The following VAV3 variants were observed in gnomAD, a reference collection of about 807,000 sequenced individuals.
VAV3 encodes the protein guanine nucleotide exchange factor VAV3.
Under a neutral mutation model 131.2 loss-of-function variants are expected in VAV3, and 94 were observed. That is an observed-to-expected ratio of 0.72 (90% CI 0.61 to 0.85). The LOEUF (loss-of-function observed/expected upper bound fraction) is 0.85. VAV3 is among the 40% of genes least tolerant of loss of function. The probability of loss-of-function intolerance (pLI) is 0.00; values close to 1 mark genes in which losing one functional copy is unlikely to be tolerated. For missense variants in VAV3, 939 were observed against 1,002.7 expected, an observed-to-expected ratio of 0.94 and a Z score of 0.86; for synonymous variants, 349 against 342.0, an observed-to-expected ratio of 1.02 and a Z score of -0.22.
intron 15 of VAV3, among the ~76,000 whole-genome samples, chr1:107,714,063 G>A (rs955737478): frequency 5.3e-5 from 8 of 151,952 alleles, no homozygotes; most frequent in African/African-American, 1.9e-4. Flanking sequence ...TCACTTATAC[G>A]CATTATTTTT....
chr1:107,783,657 C>T (rs1011039602), intron 2 of VAV3, among the ~76,000 whole-genome samples: 35 of 152,150 alleles, frequency 2.3e-4, no homozygotes, highest in Admixed American at 9.2e-4. Context: ...CCTTCTCTGG[C>T]CCATGGTCTG....
intron 19 of VAV3, among the ~76,000 whole-genome samples, chr1:107,655,262 G>T (rs1483584618): frequency 2.0e-5 from 3 of 152,036 alleles, no homozygotes; most frequent in African/African-American, 7.2e-5. Context: ...CATGGCACTG[G>T]CATAAAAACA....
chr1:107,706,158 G>A (rs528401153), intron 15 of VAV3, among the ~76,000 whole-genome samples: 6 of 152,160 alleles, frequency 3.9e-5, no homozygotes, highest in South Asian at 2.1e-4. Flanking sequence ...GCTCCGAGAC[G>A]TTACACGCAA....
At chr1:107,918,917 G>A (rs2101144798) in intron 1 of VAV3, among the ~76,000 whole-genome samples, 1 of 151,898 alleles carries the variant, frequency 6.6e-6, no homozygotes, top group East Asian at 1.9e-4. Context: ...ATGTTGCCCA[G>A]GCTGGTCTTG....
At chr1:107,761,617 G>A (rs949810825) in intron 9 of VAV3, among the ~76,000 whole-genome samples, 6 of 152,064 alleles carry the variant, frequency 3.9e-5, no homozygotes, top group African/African-American at 1.2e-4. Context: ...ACTATGATGT[G>A]CTTTGTCCAG....
intron 2 of VAV3, among the ~76,000 whole-genome samples, chr1:107,812,390 G>A (rs961214989): frequency 2.3e-4 from 35 of 151,924 alleles, no homozygotes; most frequent in African/African-American, 8.0e-4. Context: ...ACGTGTGCCC[G>A]TTTTCATTAC....
chr1:107,603,062 T>C lies in VAV3; in HGVS notation c.2117A>G (p.Tyr706Cys), dbSNP rs757743124. The change falls in exon 23 of 27, where the codon TAT becomes TGT. Residue 706 changes from tyrosine to cysteine, a missense_variant. Tyr to Cys is a radical substitution (Grantham distance 194). Coordinates refer to ENST00000370056, the MANE Select transcript of VAV3 (RefSeq NM_006113.5). ...VRHRTKESGE[Y>C]AISIKYNNEA... Reference sequence around the variant, plus strand: ...TCCTACTTACTTAATGCTAATTGCATATTCTCCTGACTCTTTGGTCCTGTG... The same window carrying C: ...TCCTACTTACTTAATGCTAATTGCACATTCTCCTGACTCTTTGGTCCTGTG... The C allele has an allele frequency of 6.2e-7, 1 of 1,612,784 alleles. No homozygotes were observed. Among genetic ancestry groups the C allele is most frequent in the East Asian group, 2.2e-5 (1 of 44,804 alleles).
intron 18 of VAV3, chr1:107,686,029 G>A (rs1328565197): frequency 1.1e-5 from 1 of 93,144 alleles, no homozygotes; most frequent in African/African-American, 3.8e-5. Flanking sequence ...GGCTGGTTGG[G>A]GGGGTGGGGG....
At chr1:107,792,374 G>A (rs1037859430) in intron 2 of VAV3, among the ~76,000 whole-genome samples, 2 of 152,010 alleles carry the variant, frequency 1.3e-5, no homozygotes, top group African/African-American at 2.4e-5. Context: ...AGCTCAAATC[G>A]GTGGCACACT....
At chr1:107,833,370 T>C (rs936648160) in intron 2 of VAV3, among the ~76,000 whole-genome samples, 1 of 152,202 alleles carries the variant, frequency 6.6e-6, no homozygotes, top group Admixed American at 6.5e-5. Context: ...GTGAGGAAAC[T>C]GTAGAAGAAA....
At chr1:107,707,310 A>C (rs1032355157) in intron 15 of VAV3, among the ~76,000 whole-genome samples, 6 of 152,248 alleles carry the variant, frequency 3.9e-5, no homozygotes, top group African/African-American at 1.4e-4. Context: ...CAGGAATCTG[A>C]AACTAGACCA....
intron 1 of VAV3, among the ~76,000 whole-genome samples, chr1:107,921,817 G>C (rs535552107): frequency 6.6e-6 from 1 of 152,052 alleles, no homozygotes; most frequent in African/African-American, 2.4e-5. Flanking sequence ...TAAATATATC[G>C]TTTTGATTTT....
intron 1 of VAV3, among the ~76,000 whole-genome samples, chr1:107,905,133 G>C (rs1672043685): frequency 6.6e-6 from 1 of 152,130 alleles, no homozygotes; most frequent in Non-Finnish European, 1.5e-5. Flanking sequence ...CAAGTCTATG[G>C]CATCTGGCAA....
At position 107,918,097 on chromosome 1, in the gene VAV3, T is replaced by C. The variant is rs569721409; in HGVS notation, c.205-43080A>G. Among the ~76,000 whole-genome samples, 14 of 152,326 alleles carry C rather than the reference T, an allele frequency of 9.2e-5. No individual in the cohort carries two copies. In the East Asian group the frequency reaches 1.3e-3, roughly 15 times the overall value. On this transcript the variant is annotated intron_variant, in intron 1 of 26. Coordinates refer to ENST00000370056, the MANE Select transcript of VAV3 (RefSeq NM_006113.5). ...ATAAAACAAAGTTTCTGCTCTCCAA[T>C]AGCTTTCAGACTGGCCAAAAGGAAG...
chr1:107,871,948 A>G (rs570315627), intron 2 of VAV3, among the ~76,000 whole-genome samples: 17 of 152,222 alleles, frequency 1.1e-4, no homozygotes, highest in Non-Finnish European at 1.9e-4. Context: ...AGACTCATGC[A>G]GTATCCTAAA....
At chr1:107,671,624 G>C (rs139648277) in intron 19 of VAV3, among the ~76,000 whole-genome samples, 150 of 152,194 alleles carry the variant, frequency 9.9e-4, no homozygotes, top group African/African-American at 3.5e-3. Context: ...AAGATGAGGA[G>C]GATTTGTAAA....
chr1:107,871,046 A>T (rs1478593895), intron 2 of VAV3, among the ~76,000 whole-genome samples: 4 of 152,192 alleles, frequency 2.6e-5, no homozygotes, highest in African/African-American at 9.6e-5. Flanking sequence ...ATTTCCAAAG[A>T]GTGAGTTAAT....
Position 107,602,490 on chromosome 1 carries a change from G to A in VAV3, c.2133-6C>T, listed in dbSNP as rs951641047. On this transcript the variant is annotated splice_region_variant and splice_polypyrimidine_tract_variant and intron_variant, in intron 23 of 26. Transcript: ENST00000370056. ...GCTTTGCTTCATTATTGTACCTGTG[G>A]GCAATGAATAACTTATGAATATAAA... 2 of 1,557,470 alleles carry A rather than the reference G, an allele frequency of 1.3e-6. No homozygotes were observed. The highest frequency in any genetic ancestry group is 2.4e-5 in the East Asian group (1 of 41,700).
intron 22 of VAV3, among the ~76,000 whole-genome samples, chr1:107,604,573 T>C (rs1384774458): frequency 6.6e-6 from 1 of 152,162 alleles, no homozygotes; most frequent in African/African-American, 2.4e-5. Context: ...ACTGCACTCT[T>C]GTCTGGAAAC....
Sources: gnomAD v4.1 joint callset for allele counts (sites outside exome capture counted in the v4.1 genomes callset) on GRCh38, gnomAD v4.1.1 for gene constraint, MANE v1.5 for transcripts, NCBI Gene and HGNC (gene_info 2026-07-23, HGNC 2026-07-21) for gene names.